Variants in NCKAP5 observed in about 807,000 individuals in gnomAD.
The protein encoded by NCKAP5 is nck-associated protein 5.
A neutral mutation model predicts 167.0 loss-of-function variants in NCKAP5; 92 were observed. The ratio of observed to expected loss-of-function variants is 0.55; its 90% CI spans 0.47 to 0.66. The LOEUF (loss-of-function observed/expected upper bound fraction) is 0.66. Ranked by LOEUF, NCKAP5 falls within the 30% of genes least tolerant of loss-of-function variation. The probability of loss-of-function intolerance (pLI) is 0.00; values close to 1 mark genes in which losing one functional copy is unlikely to be tolerated. For missense variants in NCKAP5, 2,378 were observed against 2,315.0 expected (o/e 1.03, Z -0.56); for synonymous variants, 891 against 877.4 (o/e 1.02, Z -0.27).
intron 1 of NCKAP5, among the ~76,000 whole-genome samples, chr2:133,562,400 C>T (rs2105025152): frequency 6.6e-6 from 1 of 152,262 alleles, no homozygotes; most frequent in Non-Finnish European, 1.5e-5. Flanking sequence ...GCTACAAAAC[C>T]AGTTAGCACT....
intron 5 of NCKAP5, among the ~76,000 whole-genome samples, chr2:133,173,467 C>T (rs1408829595): frequency 6.6e-6 from 1 of 152,160 alleles, no homozygotes; most frequent in African/African-American, 2.4e-5. Context: ...TCAGTTTAGA[C>T]AGAATTCCCC....
chr2:133,638,467 A>G, the NCKAP5 span, among the ~76,000 whole-genome samples: 3 of 152,212 alleles, frequency 2.0e-5, no homozygotes, highest in Non-Finnish European at 4.4e-5. Flanking sequence ...AACAAAACAC[A>G]TAGTAATGAA....
At chr2:133,391,977 C>G (rs906833494) in intron 3 of NCKAP5, among the ~76,000 whole-genome samples, 6 of 152,156 alleles carry the variant, frequency 3.9e-5, no homozygotes, top group African/African-American at 1.4e-4. Context: ...GCCAGTTAGG[C>G]TTTCTTATGC....
chr2:132,701,204 G>C (rs1687851143), intron 19 of NCKAP5, among the ~76,000 whole-genome samples: 1 of 152,058 alleles, frequency 6.6e-6, no homozygotes, highest in Non-Finnish European at 1.5e-5. Context: ...CAACACCGTG[G>C]AAAGATTCTA....
At chr2:133,134,538 G>C (rs1052155759) in intron 5 of NCKAP5, among the ~76,000 whole-genome samples, 4 of 152,316 alleles carry the variant, frequency 2.6e-5, no homozygotes, top group African/African-American at 9.6e-5. Context: ...TGGAGAAAAA[G>C]AAGTCCAAAA....
chr2:133,406,021 C>CCAT (rs1473565629), intron 3 of NCKAP5, among the ~76,000 whole-genome samples: 3 of 152,202 alleles, frequency 2.0e-5, no homozygotes, highest in Admixed American at 6.5e-5. Context: ...AATTGAAGAT[C>CCAT]CATTGCTTGT....
At chr2:133,464,142 G>A (rs140412699) in intron 3 of NCKAP5, among the ~76,000 whole-genome samples, 45 of 152,210 alleles carry the variant, frequency 3.0e-4, no homozygotes, top group African/African-American at 1.0e-3. Flanking sequence ...TGAGTCCTCT[G>A]GGCTTCTGGG....
At chr2:133,294,528 A>G (rs1679821780) in intron 4 of NCKAP5, among the ~76,000 whole-genome samples, 1 of 152,190 alleles carries the variant, frequency 6.6e-6, no homozygotes, top group Non-Finnish European at 1.5e-5. Context: ...CAAGGATAGA[A>G]TAATGGCATG....
the NCKAP5 span, among the ~76,000 whole-genome samples, chr2:133,646,385 C>T: frequency 6.6e-6 from 1 of 151,938 alleles, no homozygotes; most frequent in Admixed American, 6.6e-5. Flanking sequence ...ATGAGACTAT[C>T]AGAAGATTTT....
At chr2:132,845,320 T>C (rs1184600668) in intron 11 of NCKAP5, among the ~76,000 whole-genome samples, 1 of 152,186 alleles carries the variant, frequency 6.6e-6, no homozygotes, top group Non-Finnish European at 1.5e-5. Context: ...CAAACAGTCC[T>C]TTCCTGTATG....
chr2:133,138,916 G>A (rs1054675898), intron 5 of NCKAP5, among the ~76,000 whole-genome samples: 19 of 152,074 alleles, frequency 1.2e-4, no homozygotes, highest in Admixed American at 1.3e-4. Flanking sequence ...GTGCAGATAC[G>A]CCACAGTGAC....
chr2:133,258,897 A>G (rs1185278033), intron 4 of NCKAP5, among the ~76,000 whole-genome samples: 4 of 152,164 alleles, frequency 2.6e-5, no homozygotes, highest in African/African-American at 9.7e-5. Context: ...TTTTTCAACC[A>G]TGGGGACTTC....
chr2:133,604,363 G>A, the NCKAP5 span, among the ~76,000 whole-genome samples: 7 of 151,946 alleles, frequency 4.6e-5, no homozygotes, highest in South Asian at 2.1e-4. Flanking sequence ...ATGCCACCAC[G>A]CCTGGCTAAT....
At chr2:133,478,452 C>T (rs1011146080) in intron 3 of NCKAP5, among the ~76,000 whole-genome samples, 1 of 152,108 alleles carries the variant, frequency 6.6e-6, no homozygotes, top group African/African-American at 2.4e-5. Context: ...GATCTTGAAC[C>T]TTCCTAGAAA....
intron 8 of NCKAP5, among the ~76,000 whole-genome samples, chr2:132,942,134 T>C (rs1697346053): frequency 2.6e-5 from 4 of 152,230 alleles, no homozygotes; most frequent in Non-Finnish European, 5.9e-5. Context: ...GATAAACATA[T>C]CTTAATTGAC....
intron 2 of NCKAP5, among the ~76,000 whole-genome samples, chr2:133,538,232 A>G (rs1685907850): frequency 6.6e-6 from 1 of 152,200 alleles, no homozygotes; most frequent in Non-Finnish European, 1.5e-5. Context: ...AAATATAATT[A>G]TTTGTCTCAG....
chr2:133,534,494 C>G (rs2104845702), intron 2 of NCKAP5, among the ~76,000 whole-genome samples: 1 of 152,188 alleles, frequency 6.6e-6, no homozygotes, highest in Admixed American at 6.5e-5. Flanking sequence ...TTCTCCATCC[C>G]CTACCCCTTA....
intron 2 of NCKAP5, among the ~76,000 whole-genome samples, chr2:133,541,788 A>G (rs991665338): frequency 2.0e-5 from 3 of 151,516 alleles, no homozygotes; most frequent in African/African-American, 7.3e-5. Flanking sequence ...TTTTTTTTTA[A>G]GTGTCAGATC....
At chr2:133,674,724 A>T in the NCKAP5 span, among the ~76,000 whole-genome samples, 1 of 152,048 alleles carries the variant, frequency 6.6e-6, no homozygotes, top group Non-Finnish European at 1.5e-5. Flanking sequence ...TAGCCCACTC[A>T]TTGCTTTCTC....
Sources: allele counts gnomAD v4.1 joint callset (sites outside exome capture counted in the v4.1 genomes callset), GRCh38; gene constraint gnomAD v4.1.1; transcripts MANE v1.5; gene names NCBI Gene and HGNC (gene_info 2026-07-23, HGNC 2026-07-21).